Variants in SLC9C1 observed in about 807,000 individuals in gnomAD.
SLC9C1 encodes sodium/hydrogen exchanger 10.
Under a neutral mutation model 140.9 loss-of-function variants are expected in SLC9C1, and 97 were observed. That is an observed-to-expected ratio of 0.69 (90% CI 0.58 to 0.82). SLC9C1 has a LOEUF of 0.82. SLC9C1 is among the 40% of genes least tolerant of loss of function. SLC9C1 has a pLI of 0.00. For missense variants in SLC9C1, 1,340 were observed against 1,389.3 expected, an observed-to-expected ratio of 0.96 and a Z score of 0.56; for synonymous variants, 440 against 442.6, an observed-to-expected ratio of 0.99 and a Z score of 0.07.
At chr3:112,231,511 C>A (rs762201664) in intron 12 of SLC9C1, 25 bp from the exon 13 acceptor site, 10 of 1,570,208 alleles carry the variant, frequency 6.4e-6, no homozygotes, top group African/African-American at 2.7e-5. Context: ...AATAAAAGAA[C>A]AAAAAATACA....
intron 26 of SLC9C1, among the ~76,000 whole-genome samples, chr3:112,158,816 A>G (rs1261349960): frequency 1.3e-5 from 2 of 151,864 alleles, no homozygotes; most frequent in African/African-American, 4.8e-5. Flanking sequence ...ATAATTTTTC[A>G]TAGTAGTCTA....
chr3:112,237,941 T>C (rs2079036112), intron 12 of SLC9C1, among the ~76,000 whole-genome samples: 2 of 152,054 alleles, frequency 1.3e-5, no homozygotes, highest in South Asian at 4.1e-4. Context: ...TGTCTTGGAG[T>C]TGCTCTTCTC....
chr3:112,179,621 G>A lies in SLC9C1; in HGVS notation c.2829C>T (p.Asp943=), dbSNP rs756655976. 1 of 1,611,642 alleles carries A rather than the reference G, an allele frequency of 6.2e-7. No individual in the cohort carries two copies. The highest frequency in any genetic ancestry group is 1.1e-5 in the South Asian group (1 of 90,396). ...KEKDFPIIDT[D]YMLSGEIIGE... ...CTATTATTTCTCCACTGAGCATATA[G>A]TCTGTGTCAATTATCGGAAAATCTT... Residue 943 remains aspartate, a synonymous_variant, in exon 23 of 29, where the codon GAC becomes GAT. Coordinates refer to ENST00000305815, the MANE Select transcript of SLC9C1 (RefSeq NM_183061.3).
rs534283806 is a variant in SLC9C1 at position 112,182,353 on chromosome 3, C to T, written c.2524-95G>A. 152 of 1,266,868 alleles carry T rather than the reference C, an allele frequency of 1.2e-4. No individual in the cohort carries two copies. The Middle Eastern group carries it at 1.8e-3, about 15-fold the overall frequency. The allele number at this position is 1,266,868 out of a possible 1,614,324, so 78.5% of individuals were successfully genotyped here. A position where few individuals can be genotyped will look rare whatever the true frequency, so the allele number is the denominator to read the frequency against. On this transcript the variant is annotated intron_variant, in intron 20 of 28. Coordinates refer to ENST00000305815, the MANE Select transcript of SLC9C1 (RefSeq NM_183061.3). Reference sequence around the variant, plus strand: ...CTTTGTACTATTTCCTATTCTTGATCATTTGACATTTTTCTTCTTCCATGA... The same window carrying T: ...CTTTGTACTATTTCCTATTCTTGATTATTTGACATTTTTCTTCTTCCATGA...
At chr3:112,263,246 G>T in intron 9 of SLC9C1, 148 bp from the exon 10 acceptor site, 1 of 575,034 alleles carries the variant, frequency 1.7e-6, no homozygotes, top group Non-Finnish European at 2.8e-6. Flanking sequence ...TGACACCAAA[G>T]AAAGGCAGCA....
intron 20 of SLC9C1, among the ~76,000 whole-genome samples, chr3:112,195,754 C>T (rs1390148396): frequency 6.6e-6 from 1 of 152,110 alleles, no homozygotes; most frequent in Non-Finnish European, 1.5e-5. Flanking sequence ...ACAGTTCCAT[C>T]CCCATCTCCT....
chr3:112,252,951 A>G (rs7635156), intron 10 of SLC9C1, among the ~76,000 whole-genome samples: 89,721 of 151,614 alleles, frequency 0.59, 27,049 homozygotes, highest in East Asian at 0.79. Context: ...GAGGGGGAGG[A>G]GCAGGCCACC....
chr3:112,207,656 T>C (rs986123323), intron 16 of SLC9C1, among the ~76,000 whole-genome samples: 1 of 152,118 alleles, frequency 6.6e-6, no homozygotes. Context: ...TTGTTGTTTA[T>C]TATGCAATGT....
At chr3:112,237,262 G>A (rs1355125277) in intron 12 of SLC9C1, among the ~76,000 whole-genome samples, 1 of 152,126 alleles carries the variant, frequency 6.6e-6, no homozygotes, top group Non-Finnish European at 1.5e-5. Context: ...TTTAAAGCCT[G>A]TTTTATCAGA....
At chr3:112,276,852 C>G (rs1559745009) in intron 5 of SLC9C1, among the ~76,000 whole-genome samples, 1 of 152,068 alleles carries the variant, frequency 6.6e-6, no homozygotes, top group African/African-American at 2.4e-5. Context: ...ATCTCACTCT[C>G]TTAATGTCCT....
At chr3:112,278,504 AT>A (rs2080274884) in intron 4 of SLC9C1, among the ~76,000 whole-genome samples, 1 of 152,122 alleles carries the variant, frequency 6.6e-6, no homozygotes, top group South Asian at 2.1e-4. Context: ...TGCAAGTCAG[AT>A]TTTCAGAATT....
chr3:112,164,624 G>A (rs1201554278), intron 26 of SLC9C1, among the ~76,000 whole-genome samples: 4 of 151,178 alleles, frequency 2.6e-5, no homozygotes, highest in East Asian at 4.0e-4. Context: ...TGCTTGTAGA[G>A]TTTCTCCTGA....
Position 112,169,231 on chromosome 3 carries a change from G to A in SLC9C1, c.3017C>T (p.Thr1006Ile). 6.2e-7 allele frequency: 1 copy of A among 1,613,536 alleles called. No individual in the cohort carries two copies. The highest frequency in any genetic ancestry group is 1.1e-5 in the South Asian group (1 of 91,010). Residue 1006 changes from threonine (T) to isoleucine (I), a missense_variant, in exon 24 of 29, where the codon ACA (threonine) becomes ATA (isoleucine). Physicochemically the swap from Thr to Ile is moderately conservative, Grantham distance 89. Coordinates refer to ENST00000305815, the MANE Select transcript of SLC9C1 (RefSeq NM_183061.3). ...TAAGTGTTCTCTGATTTTTCTGGCT[G>A]TAATAGCGAGTCCAAGTTTTAGCCA... Reference protein sequence around the residue: ...KMWLKLGLAITARKIREHLSY... With the variant: ...KMWLKLGLAIIARKIREHLSY...
intron 20 of SLC9C1, chr3:112,185,957 G>C: frequency 1.9e-6 from 3 of 1,563,170 alleles, no homozygotes; most frequent in Non-Finnish European, 2.6e-6. Context: ...TGGGGTGGTG[G>C]GCGACCAGCT....
intron 20 of SLC9C1, among the ~76,000 whole-genome samples, chr3:112,187,956 G>T (rs1427166197): frequency 6.6e-6 from 1 of 151,646 alleles, no homozygotes; most frequent in Non-Finnish European, 1.5e-5. Context: ...AGTATATATA[G>T]ATATTTAAAA....
chr3:112,140,969 G>A lies in SLC9C1; in HGVS notation c.*303C>T, dbSNP rs930884773. The A allele has an allele frequency of 2.9e-5, 8 of 279,338 alleles. No individual in the cohort carries two copies. The highest frequency in any genetic ancestry group is 5.3e-5 in the Non-Finnish European group (8 of 149,668). The allele number at this position is 279,338 out of a possible 1,614,324, so 17.3% of individuals were successfully genotyped here. A position where few individuals can be genotyped will look rare whatever the true frequency, so the allele number is the denominator to read the frequency against. On this transcript the variant is annotated 3_prime_UTR_variant, in exon 29 of 29. Coordinates refer to ENST00000305815, the MANE Select transcript of SLC9C1 (RefSeq NM_183061.3). Reference sequence around the variant, plus strand: ...ACCATTATTGCTGTAAGAGCAATATGCAAAATATCTAGATGGCTATAAACT... The same window carrying A: ...ACCATTATTGCTGTAAGAGCAATATACAAAATATCTAGATGGCTATAAACT...
intron 28 of SLC9C1, 139 bp downstream of exon 28, chr3:112,151,716 CTG>C (rs1195093213): frequency 2.9e-6 from 2 of 687,962 alleles, no homozygotes; most frequent in African/African-American, 1.8e-5. Context: ...CTTAGAAACA[CTG>C]TAATTAGAAG....
chr3:112,264,382 A>C, intron 8 of SLC9C1, 39 bp from the exon 9 acceptor site: 1 of 1,187,798 alleles, frequency 8.4e-7, no homozygotes, highest in South Asian at 2.2e-5. Flanking sequence ...TTTATAATTA[A>C]TTAATTTGAC....
At chr3:112,169,173 C>G in intron 24 of SLC9C1, 24 bp downstream of exon 24, 2 of 1,599,230 alleles carry the variant, frequency 1.3e-6, no homozygotes, top group Non-Finnish European at 1.7e-6. Flanking sequence ...GAAAGAAAGA[C>G]AAGTTTATAC....
Sources: allele counts gnomAD v4.1 joint callset (sites outside exome capture counted in the v4.1 genomes callset), GRCh38; gene constraint gnomAD v4.1.1; transcripts MANE v1.5; gene names NCBI Gene and HGNC (gene_info 2026-07-23, HGNC 2026-07-21).